TCF7L2: variants seen among roughly 807,000 people sequenced by gnomAD.
TCF7L2 encodes transcription factor 7 like 2.
In TCF7L2, 23 loss-of-function variants were observed where a neutral mutation model predicts 77.9. That is an observed-to-expected ratio of 0.30 (90% CI 0.21 to 0.42). The LOEUF (loss-of-function observed/expected upper bound fraction) is 0.42. Ranked by LOEUF, TCF7L2 falls within the 10% of genes least tolerant of loss-of-function variation. TCF7L2 has a pLI of 1.00. For missense variants in TCF7L2, 654 were observed against 793.1 expected (o/e 0.82, Z 2.11); for synonymous variants, 413 against 340.2 (o/e 1.21, Z -2.36).
At chr10:113,073,788 C>T (rs1591358642) in intron 5 of TCF7L2, among the ~76,000 whole-genome samples, 1 of 152,280 alleles carries the variant, frequency 6.6e-6, no homozygotes, top group East Asian at 1.9e-4. Context: ...AACCTGCGGG[C>T]CTCAGTGTGA....
chr10:113,134,873 T>G (rs906367952), intron 5 of TCF7L2, among the ~76,000 whole-genome samples: 2 of 152,196 alleles, frequency 1.3e-5, no homozygotes, highest in Non-Finnish European at 2.9e-5. Flanking sequence ...CCTCTGTTGC[T>G]TTAGTTTTAT....
intron 13 of TCF7L2, among the ~76,000 whole-genome samples, chr10:113,164,884 C>T (rs555119872): frequency 5.3e-5 from 8 of 152,212 alleles, no homozygotes; most frequent in Admixed American, 1.3e-4. Flanking sequence ...CAGACAAGCC[C>T]GAAAGCTCTC....
intron 4 of TCF7L2, among the ~76,000 whole-genome samples, chr10:113,037,048 A>C (rs1050136257): frequency 3.9e-5 from 6 of 152,152 alleles, no homozygotes; most frequent in Non-Finnish European, 5.9e-5. Context: ...GGAAGGAAAA[A>C]AATTTTCCTC....
At chr10:112,982,100 C>T (rs1484398169) in intron 4 of TCF7L2, among the ~76,000 whole-genome samples, 1 of 152,196 alleles carries the variant, frequency 6.6e-6, no homozygotes, top group Non-Finnish European at 1.5e-5. Context: ...TGTATTTCTC[C>T]TGGTTCCCTG....
intron 5 of TCF7L2, among the ~76,000 whole-genome samples, chr10:113,059,022 GC>G (rs1281769450): frequency 2.0e-5 from 3 of 152,110 alleles, no homozygotes; most frequent in Admixed American, 2.0e-4. Context: ...CGCCCCCCAT[GC>G]CCCAAAAGGT....
At chr10:113,001,381 G>T (rs1273096569) in intron 4 of TCF7L2, among the ~76,000 whole-genome samples, 1 of 152,244 alleles carries the variant, frequency 6.6e-6, no homozygotes, top group Non-Finnish European at 1.5e-5. Flanking sequence ...TGCAGGGTAA[G>T]TAGAACCCCA....
chr10:113,101,354 G>A (rs1449661591), intron 5 of TCF7L2, among the ~76,000 whole-genome samples: 1 of 151,952 alleles, frequency 6.6e-6, no homozygotes, highest in African/African-American at 2.4e-5. Flanking sequence ...ACCAGCTTGG[G>A]CAACATAGCA....
intron 8 of TCF7L2, among the ~76,000 whole-genome samples, chr10:113,146,756 T>C (rs1205015309): frequency 6.6e-6 from 1 of 152,228 alleles, no homozygotes; most frequent in East Asian, 1.9e-4. Context: ...TGTTCTTTTT[T>C]GTGCTGAGCT....
At chr10:112,973,826 G>GGGA (rs1420244513) in intron 4 of TCF7L2, among the ~76,000 whole-genome samples, 11 of 152,250 alleles carry the variant, frequency 7.2e-5, no homozygotes, top group Admixed American at 3.3e-4. Flanking sequence ...CTCACCTCAA[G>GGGA]TAATCTGCCC....
intron 13 of TCF7L2, among the ~76,000 whole-genome samples, chr10:113,162,871 C>T (rs1203585065): frequency 1.3e-5 from 2 of 152,146 alleles, no homozygotes; most frequent in Non-Finnish European, 2.9e-5. Context: ...TAAGAGGCCA[C>T]TCCTCTGAAT....
chr10:112,984,023 T>G (rs2041008556), intron 4 of TCF7L2, among the ~76,000 whole-genome samples: 1 of 152,212 alleles, frequency 6.6e-6, no homozygotes, highest in East Asian at 1.9e-4. Flanking sequence ...TCTTTACACC[T>G]TCTGATTCCA....
At position 113,111,936 on chromosome 10, in the gene TCF7L2, G is replaced by A. The variant is rs193023456; in HGVS notation, c.553-29248G>A. On this transcript the variant is annotated intron_variant, in intron 5 of 13. Coordinates refer to ENST00000627217, the MANE Select transcript of TCF7L2 (RefSeq NM_001146274.2). ...GACTTAGATTATGAGAAATAGTCAC[G>A]CCTAAACTTCCTTGAGGAGATGCTA... is the stretch of plus-strand genomic sequence containing the variant. Among the ~76,000 whole-genome samples, 849 of 152,270 alleles carry A rather than the reference G, an allele frequency of 5.6e-3. 4 individuals carry two copies. Among genetic ancestry groups the A allele is most frequent in the South Asian group, 0.029 (142 of 4,824 alleles).
intron 5 of TCF7L2, among the ~76,000 whole-genome samples, chr10:113,065,051 G>A (rs115179683): frequency 1.3e-5 from 2 of 151,962 alleles, no homozygotes. Context: ...ATTCCATAGG[G>A]AAAAAAGGGC....
chr10:113,069,575 C>T (rs1159870962), intron 5 of TCF7L2, among the ~76,000 whole-genome samples: 1 of 152,120 alleles, frequency 6.6e-6, no homozygotes, highest in South Asian at 2.1e-4. Flanking sequence ...CCTAACCCGT[C>T]CAGGAGGATG....
chr10:113,072,664 C>T (rs2058174429), intron 5 of TCF7L2, among the ~76,000 whole-genome samples: 6 of 152,142 alleles, frequency 3.9e-5, no homozygotes, highest in Admixed American at 3.9e-4. Flanking sequence ...CAATCAGTTG[C>T]TTTTAAACTA....
intron 5 of TCF7L2, chr10:113,126,760 A>C (rs2065686788): frequency 3.0e-6 from 3 of 985,428 alleles, no homozygotes; most frequent in Non-Finnish European, 3.6e-6. Flanking sequence ...CGCGGGCTGC[A>C]GGGCGGGTGC....
chr10:113,028,345 G>A (rs2049586257), intron 4 of TCF7L2, among the ~76,000 whole-genome samples: 1 of 152,144 alleles, frequency 6.6e-6, no homozygotes, highest in African/African-American at 2.4e-5. Flanking sequence ...CAGAAGGTCA[G>A]CCTCCCGTAA....
chr10:113,151,447 C>G lies in TCF7L2; in HGVS notation c.1002-278C>G, dbSNP rs547942352. Among the ~76,000 whole-genome samples the G allele has an allele frequency of 6.6e-6, 1 of 152,162 alleles. No individual in the cohort carries two copies. The highest frequency in any genetic ancestry group is 1.9e-4 in the East Asian group (1 of 5,164). On this transcript the variant is annotated intron_variant, in intron 9 of 13. Transcript: ENST00000627217. The surrounding 1 kb of genome is among the most constrained non-coding windows in gnomAD (Gnocchi z 5.2). ...TTCTGCAAGCAGGAGAAAACCCTGC[C>G]GAGGTGAAGACAGCAACCATGTGCT... is the stretch of plus-strand genomic sequence containing the variant.
chr10:112,963,113 TA>T (rs1343470792), intron 3 of TCF7L2, among the ~76,000 whole-genome samples: 2 of 152,166 alleles, frequency 1.3e-5, no homozygotes, highest in African/African-American at 4.8e-5. Context: ...AATATATATG[TA>T]ATGTTTTCTA....
Sources: allele counts gnomAD v4.1 joint callset (sites outside exome capture counted in the v4.1 genomes callset), GRCh38; gene constraint gnomAD v4.1.1; non-coding constraint Gnocchi (gnomAD v3.1); transcripts MANE v1.5; gene names NCBI Gene and HGNC (gene_info 2026-07-23, HGNC 2026-07-21).